Variants in TCF7L1 observed in about 807,000 individuals in gnomAD.
TCF7L1 encodes transcription factor 7 like 1.
Under a neutral mutation model 63.7 loss-of-function variants are expected in TCF7L1, and 18 were observed. The observed-to-expected ratio is 0.28, with a 90% CI of 0.20 to 0.42. The LOEUF (loss-of-function observed/expected upper bound fraction) is 0.42. Ranked by LOEUF, TCF7L1 falls within the 10% of genes least tolerant of loss-of-function variation. TCF7L1 has a pLI of 1.00. For synonymous variants in TCF7L1, 355 were observed against 340.9 expected, an observed-to-expected ratio of 1.04 and a Z score of -0.46; for missense variants, 654 against 779.3, an observed-to-expected ratio of 0.84 and a Z score of 1.91.
intron 3 of TCF7L1, among the ~76,000 whole-genome samples, chr2:85,142,481 A>AT (rs1553393290): frequency 2.2e-4 from 31 of 143,324 alleles, no homozygotes; most frequent in African/African-American, 7.2e-4. Context: ...GTATATATAT[A>AT]ATATATATAT....
At chr2:85,160,643 C>G (rs1268894813) in intron 3 of TCF7L1, among the ~76,000 whole-genome samples, 1 of 151,550 alleles carries the variant, frequency 6.6e-6, no homozygotes, top group Non-Finnish European at 1.5e-5. Flanking sequence ...TTGCTTGAGC[C>G]CAGGAGTTCC....
At chr2:85,190,446 T>C (rs905792997) in intron 3 of TCF7L1, among the ~76,000 whole-genome samples, 1 of 151,990 alleles carries the variant, frequency 6.6e-6, no homozygotes, top group African/African-American at 2.4e-5. Flanking sequence ...CAGTCTTGGG[T>C]GGCTGGTTTG....
chr2:85,290,666 C>G (rs1396934411), intron 4 of TCF7L1, among the ~76,000 whole-genome samples: 1 of 152,156 alleles, frequency 6.6e-6, no homozygotes, highest in Non-Finnish European at 1.5e-5. Context: ...TGTTAGGGTT[C>G]TCCAGGGAAA....
At chr2:85,263,538 T>A (rs1488773363) in intron 3 of TCF7L1, among the ~76,000 whole-genome samples, 1 of 151,852 alleles carries the variant, frequency 6.6e-6, no homozygotes, top group Non-Finnish European at 1.5e-5. Flanking sequence ...TCCCCAAGGT[T>A]TGTACAATAC....
chr2:85,298,910 T>A (rs935597218), intron 4 of TCF7L1, among the ~76,000 whole-genome samples: 1 of 152,022 alleles, frequency 6.6e-6, no homozygotes, highest in African/African-American at 2.4e-5. Flanking sequence ...GAGGCCACTA[T>A]CTACTTACCG....
At chr2:85,254,779 G>T (rs1169912758) in intron 3 of TCF7L1, among the ~76,000 whole-genome samples, 1 of 152,170 alleles carries the variant, frequency 6.6e-6, no homozygotes, top group Non-Finnish European at 1.5e-5. Context: ...TTAGTACTAA[G>T]AAGAGAATGA....
rs777093088 is a variant in TCF7L1, at chr2:85,167,613, C to T, written c.441+33163C>T. ...CATGGTGGTTCATGCCTGTATTCCC[C>T]AGCACTTTGGGAGGTTGAGGCAGGA... is the stretch of plus-strand genomic sequence containing the variant. On this transcript the variant is annotated intron_variant, in intron 3 of 11. Transcript: ENST00000282111. Among the ~76,000 whole-genome samples the T allele has an allele frequency of 1.9e-4, 29 of 152,220 alleles. 1 individual carries two copies. The highest frequency in any genetic ancestry group is 6.8e-3 in the Middle Eastern group (2 of 294).
chr2:85,264,385 C>T lies in TCF7L1; in HGVS notation c.442-19110C>T, dbSNP rs1680922784. Among the ~76,000 whole-genome samples the T allele has an allele frequency of 1.3e-5, 2 of 152,218 alleles. 1 individual carries two copies. Among genetic ancestry groups the T allele is most frequent in the Admixed American group, 1.3e-4 (2 of 15,282 alleles). ...TGGGCCACACCTACCCAGTCTGGTG[C>T]TGTGCATGCATCACAAATCCTCGGA... On this transcript the variant is annotated intron_variant, in intron 3 of 11. Coordinates refer to ENST00000282111, the MANE Select transcript of TCF7L1 (RefSeq NM_031283.3).
rs543948385 is a variant in TCF7L1 at position 85,144,612 on chromosome 2, T to A, written c.441+10162T>A. On this transcript the variant is annotated intron_variant, in intron 3 of 11. Transcript: ENST00000282111. ...GTAAGACCCTGTCTCAAAAAAAAAA[T>A]TTTTTTTGAACAATAAAGAAATACA... Among the ~76,000 whole-genome samples, 238 of 150,778 alleles carry A rather than the reference T, an allele frequency of 1.6e-3. 1 individual carries two copies. Among genetic ancestry groups the A allele is most frequent in the Non-Finnish European group, 2.4e-3 (161 of 67,668 alleles).
chr2:85,145,132 T>C (rs983081675), intron 3 of TCF7L1, among the ~76,000 whole-genome samples: 1 of 151,374 alleles, frequency 6.6e-6, no homozygotes, highest in South Asian at 2.1e-4. Flanking sequence ...TACTTTCCAA[T>C]AATAGCATGG....
chr2:85,237,411 C>T (rs1196990710), intron 3 of TCF7L1, among the ~76,000 whole-genome samples: 1 of 152,090 alleles, frequency 6.6e-6, no homozygotes, highest in Middle Eastern at 3.2e-3. Context: ...CCCCTCTCAG[C>T]CTGTCGCTTG....
chr2:85,190,957 G>A (rs964795789), intron 3 of TCF7L1, among the ~76,000 whole-genome samples: 6 of 152,202 alleles, frequency 3.9e-5, no homozygotes, highest in African/African-American at 1.4e-4. Flanking sequence ...CTTAGCAACT[G>A]AGGCGAGGGC....
At chr2:85,170,173 A>G (rs1678515495) in intron 3 of TCF7L1, among the ~76,000 whole-genome samples, 1 of 152,024 alleles carries the variant, frequency 6.6e-6, no homozygotes, top group African/African-American at 2.4e-5. Context: ...TGTGTACCCC[A>G]CCTTCCCTTC....
Position 85,134,224 on chromosome 2 carries a change from G to C in TCF7L1, c.314-99G>C. The C allele has an allele frequency of 2.7e-6, 4 of 1,472,586 alleles. No individual in the cohort carries two copies. The highest frequency in any genetic ancestry group is 2.8e-5 in the South Asian group (2 of 71,476). 91.2% of individuals were successfully genotyped at this position (1,472,586 alleles called of 1,614,324 possible). On this transcript the variant is annotated intron_variant, in intron 2 of 11. Coordinates refer to ENST00000282111, the MANE Select transcript of TCF7L1 (RefSeq NM_031283.3). This position sits in a 1 kb window ranked among gnomAD's most constrained non-coding sequence, Gnocchi z 5.0. ...GCGGCAGCCCCCGTGGGGCGCGCGT[G>C]GGGGGCGCTGGGGTCCCCAGCTCCC...
chr2:85,227,567 G>A (rs1679986652), intron 3 of TCF7L1, among the ~76,000 whole-genome samples: 3 of 152,016 alleles, frequency 2.0e-5, no homozygotes, highest in Non-Finnish European at 4.4e-5. Flanking sequence ...GCAAAGGACA[G>A]TCTTTTAAAT....
chr2:85,183,640 CG>C (rs1316163634), intron 3 of TCF7L1, among the ~76,000 whole-genome samples: 1 of 152,132 alleles, frequency 6.6e-6, no homozygotes, highest in Non-Finnish European at 1.5e-5. Flanking sequence ...GGAAAATCAT[CG>C]GGCGAGTCAG....
intron 3 of TCF7L1, among the ~76,000 whole-genome samples, chr2:85,140,451 C>G (rs376472643): frequency 1.4e-5 from 2 of 140,018 alleles, no homozygotes; most frequent in African/African-American, 5.5e-5. Flanking sequence ...GTAGGAGAAG[C>G]ACTTAGGGAC....
intron 3 of TCF7L1, among the ~76,000 whole-genome samples, chr2:85,182,562 A>G (rs113841518): frequency 3.3e-5 from 5 of 152,318 alleles, no homozygotes; most frequent in African/African-American, 1.2e-4. Flanking sequence ...TCTGCACTCC[A>G]GAGAGCTTGT....
At chr2:85,286,915 G>C (rs1011821523) in intron 4 of TCF7L1, among the ~76,000 whole-genome samples, 1 of 152,184 alleles carries the variant, frequency 6.6e-6, no homozygotes, top group Non-Finnish European at 1.5e-5. Flanking sequence ...TCTAGCCTGG[G>C]TGACAGAGTG....
Sources: gnomAD v4.1 joint callset for allele counts (sites outside exome capture counted in the v4.1 genomes callset) on GRCh38, gnomAD v4.1.1 for gene constraint, Gnocchi (gnomAD v3.1) non-coding constraint, MANE v1.5 for transcripts, NCBI Gene and HGNC (gene_info 2026-07-23, HGNC 2026-07-21) for gene names.